The following PCDHGA2 variants were observed in gnomAD, a reference collection of about 807,000 sequenced individuals.
PCDHGA2 encodes the protein protocadherin gamma-A2.
In PCDHGA2, 40 loss-of-function variants were observed where a neutral mutation model predicts 59.2. The observed-to-expected ratio is 0.68, with a 90% CI of 0.52 to 0.88. PCDHGA2 has a LOEUF of 0.88. PCDHGA2 is among the 40% of genes least tolerant of loss of function. The probability of loss-of-function intolerance (pLI) is 0.00; values close to 1 mark genes in which losing one functional copy is unlikely to be tolerated. For synonymous variants in PCDHGA2, 560 were observed against 526.0 expected, an observed-to-expected ratio of 1.06 and a Z score of -0.89; for missense variants, 1,226 against 1,204.0, an observed-to-expected ratio of 1.02 and a Z score of -0.27.
Position 141,430,614 on chromosome 5 carries a change from T to C in PCDHGA2, c.2425-64193T>C, listed in dbSNP as rs1030314096. 7.3e-6 allele frequency: 5 copies of C among 680,636 alleles called. No individual in the cohort carries two copies. In the African/African-American group the frequency reaches 7.4e-5, roughly 10 times the overall value. 42.2% of individuals were successfully genotyped at this position (680,636 alleles called of 1,614,324 possible). ...GCACGCGCCTGAAGCACAAAGCAGA[T>C]AGCTAGGAATGAACCATCCCTGGGA... On this transcript the variant is annotated intron_variant, in intron 1 of 3. Transcript: ENST00000394576.
intron 1 of PCDHGA2, among the ~76,000 whole-genome samples, chr5:141,463,479 C>T (rs1162346496): frequency 4.1e-5 from 5 of 120,544 alleles, no homozygotes; most frequent in Non-Finnish European, 8.1e-5. Flanking sequence ...GATGGAGTCT[C>T]GCTCTGTCAC....
At chr5:141,354,926 CT>C (rs35040373) in intron 1 of PCDHGA2, 7 of 415,344 alleles carry the variant, frequency 1.7e-5, no homozygotes, top group South Asian at 1.1e-4. Flanking sequence ...AAAAAATAAA[CT>C]TTTTTTAACC....
chr5:141,395,447 G>A, intron 1 of PCDHGA2: 1 of 645,042 alleles, frequency 1.6e-6, no homozygotes, highest in Admixed American at 3.5e-5. Context: ...GGAAAAGATT[G>A]TTCAACCATT....
chr5:141,460,795 G>GTA (rs2154567069), intron 1 of PCDHGA2, among the ~76,000 whole-genome samples: 1 of 151,608 alleles, frequency 6.6e-6, no homozygotes, highest in East Asian at 1.9e-4. Flanking sequence ...TACACACAAA[G>GTA]TATATATATG....
At chr5:141,350,954 G>A (rs755992665) in intron 1 of PCDHGA2, 4 of 1,614,094 alleles carry the variant, frequency 2.5e-6, no homozygotes, top group Non-Finnish European at 3.4e-6. Flanking sequence ...AGTTACGGAT[G>A]CCAATGATAA....
At chr5:141,408,851 G>C in intron 1 of PCDHGA2, 1 of 1,613,574 alleles carries the variant, frequency 6.2e-7, no homozygotes, top group Non-Finnish European at 8.5e-7. Flanking sequence ...TGCCTTGGAC[G>C]GAGGGGACCC....
intron 1 of PCDHGA2, among the ~76,000 whole-genome samples, chr5:141,488,351 C>G (rs1467834410): frequency 6.6e-6 from 1 of 152,132 alleles, no homozygotes; most frequent in African/African-American, 2.4e-5. Context: ...AAACAGCCAC[C>G]CTGTGCATCT....
chr5:141,418,013 A>C (rs769578436), intron 1 of PCDHGA2: 2 of 1,613,906 alleles, frequency 1.2e-6, no homozygotes, highest in African/African-American at 2.7e-5. Flanking sequence ...GAACCTCGCT[A>C]AGGATCTAGG....
rs73792170 is a variant in PCDHGA2, at chr5:141,365,536, T to C, written c.2424+24141T>C. The C allele has an allele frequency of 3.4e-3, 5,425 of 1,613,776 alleles. 115 individuals are homozygous for C. In the African/African-American group the frequency reaches 0.05, roughly 15 times the overall value. On this transcript the variant is annotated intron_variant, in intron 1 of 3. Transcript: ENST00000394576. ...TGGAGAAGTCAGTTGATAATTACTATCACCTATTAACAACTAGGGACCTGG... is the reference window on the plus strand; with the variant it reads ...TGGAGAAGTCAGTTGATAATTACTACCACCTATTAACAACTAGGGACCTGG...
intron 1 of PCDHGA2, chr5:141,351,573 T>A: frequency 6.2e-7 from 1 of 1,613,942 alleles, no homozygotes; most frequent in Admixed American, 1.7e-5. Flanking sequence ...ACCCTGCACA[T>A]CTCCGACATC....
At chr5:141,426,521 C>T (rs184198267) in intron 1 of PCDHGA2, 14 of 341,908 alleles carry the variant, frequency 4.1e-5, no homozygotes, top group Admixed American at 7.6e-5. Flanking sequence ...ACCGTGAACA[C>T]GGAGAATGGG....
At chr5:141,353,697 A>G (rs909535781) in intron 1 of PCDHGA2, among the ~76,000 whole-genome samples, 1 of 152,192 alleles carries the variant, frequency 6.6e-6, no homozygotes, top group South Asian at 2.1e-4. Flanking sequence ...CGTTTTCCAT[A>G]CTTCTTGTTT....
chr5:141,345,423 A>C, intron 1 of PCDHGA2: 1 of 1,613,976 alleles, frequency 6.2e-7, no homozygotes, highest in Non-Finnish European at 8.5e-7. Flanking sequence ...CATTCCAGAA[A>C]ACAACCCCAG....
At chr5:141,380,748 C>A (rs1776705964) in intron 1 of PCDHGA2, among the ~76,000 whole-genome samples, 1 of 151,948 alleles carries the variant, frequency 6.6e-6, no homozygotes, top group African/African-American at 2.4e-5. Flanking sequence ...AAGAAGGTAC[C>A]AAGACACTAT....
Position 141,338,790 on chromosome 5 carries a change from G to T in PCDHGA2, c.-182G>T, listed in dbSNP as rs964544667. 1.5e-6 allele frequency: 2 copies of T among 1,350,076 alleles called. No individual in the cohort carries two copies. Among genetic ancestry groups the T allele is most frequent in the Non-Finnish European group, 9.5e-7 (1 of 1,056,578 alleles). The allele number at this position is 1,350,076 out of a possible 1,614,324, so 83.6% of individuals were successfully genotyped here. A position where few individuals can be genotyped will look rare whatever the true frequency, so the allele number is the denominator to read the frequency against. On this transcript the variant is annotated 5_prime_UTR_variant, in exon 1 of 4. Coordinates refer to ENST00000394576, the MANE Select transcript of PCDHGA2 (RefSeq NM_018915.4). ...AGCAATACGGCTCCCACAGCACAAG[G>T]GGGTGGAGGTTTGGCCCTAAAGCTT...
At chr5:141,353,798 T>C (rs1173677815) in intron 1 of PCDHGA2, among the ~76,000 whole-genome samples, 3 of 152,230 alleles carry the variant, frequency 2.0e-5, no homozygotes, top group Non-Finnish European at 2.9e-5. Flanking sequence ...CCAAACATCT[T>C]ATTTCACCTC....
Position 141,477,919 on chromosome 5 carries a change from G to A in PCDHGA2, c.2425-16888G>A. 2.5e-6 allele frequency: 4 copies of A among 1,614,162 alleles called. No individual in the cohort carries two copies. The highest frequency in any genetic ancestry group is 8.5e-7 in the Non-Finnish European group (1 of 1,180,026). The stretch of plus-strand genomic sequence containing the variant: ...TGGTAGGCTGGGACGCGGATGCAGG[G>A]CACAATGCCTGGCTCTCCTACAGTC... On this transcript the variant is annotated intron_variant, in intron 1 of 3. Transcript: ENST00000394576. The surrounding 1 kb of genome is among the most constrained non-coding windows in gnomAD (Gnocchi z 4.9).
intron 1 of PCDHGA2, among the ~76,000 whole-genome samples, chr5:141,460,050 C>T (rs1477206197): frequency 6.6e-6 from 1 of 152,064 alleles, no homozygotes; most frequent in Non-Finnish European, 1.5e-5. Context: ...TGCACTCCAG[C>T]CTGGGCAACA....
At chr5:141,415,266 G>T in intron 1 of PCDHGA2, 1 of 1,614,218 alleles carries the variant, frequency 6.2e-7, no homozygotes, top group Non-Finnish European at 8.5e-7. Flanking sequence ...CTCTGTACCT[G>T]GTGGTAGCGG....
Sources: allele counts gnomAD v4.1 joint callset (sites outside exome capture counted in the v4.1 genomes callset), GRCh38; gene constraint gnomAD v4.1.1; non-coding constraint Gnocchi (gnomAD v3.1); transcripts MANE v1.5; gene names NCBI Gene and HGNC (gene_info 2026-07-23, HGNC 2026-07-21).